Variants in ST6GAL1 observed in about 807,000 individuals in gnomAD.
ST6GAL1 encodes beta-galactoside alpha-2,6-sialyltransferase 1.
ST6GAL1 carries 20 observed loss-of-function variants against 38.0 expected under a neutral mutation model. The ratio of observed to expected loss-of-function variants is 0.53; its 90% CI spans 0.37 to 0.77. The LOEUF (loss-of-function observed/expected upper bound fraction) is 0.77. Among genes scored for constraint, ST6GAL1 ranks in the 30% least tolerant of loss-of-function variants. The probability of loss-of-function intolerance (pLI) is 0.00; values close to 1 mark genes in which losing one functional copy is unlikely to be tolerated. For synonymous variants in ST6GAL1, 196 were observed against 188.2 expected (o/e 1.04, Z -0.34); for missense variants, 432 against 496.4 (o/e 0.87, Z 1.23).
Position 186,992,756 on chromosome 3 carries a change from A to C in ST6GAL1, c.-183+28830A>C, listed in dbSNP as rs539986901. Among the ~76,000 whole-genome samples the C allele has an allele frequency of 4.6e-5, 7 of 152,272 alleles. No homozygotes were observed. In the South Asian group the frequency reaches 1.4e-3, roughly 32 times the overall value. ...GGTTGCAGTGAGCTGAGATCTCACC[A>C]CTGTACGCTAGCTTGGGCAACAGAG... is the stretch of plus-strand genomic sequence containing the variant. On this transcript the variant is annotated intron_variant, in intron 2 of 7. Transcript: ENST00000169298.
At chr3:187,037,263 T>C (rs1717962975) in intron 2 of ST6GAL1, among the ~76,000 whole-genome samples, 1 of 152,222 alleles carries the variant, frequency 6.6e-6, no homozygotes, top group Admixed American at 6.5e-5. Flanking sequence ...GTAAATTCTA[T>C]AAACTAGTTT....
At chr3:187,020,919 C>T (rs959060822) in intron 2 of ST6GAL1, among the ~76,000 whole-genome samples, 5 of 151,118 alleles carry the variant, frequency 3.3e-5, no homozygotes, top group African/African-American at 1.2e-4. Flanking sequence ...TGAGACATCT[C>T]AAAGTGGGGG....
At chr3:186,946,122 A>G (rs1047581345) in intron 1 of ST6GAL1, among the ~76,000 whole-genome samples, 3 of 152,110 alleles carry the variant, frequency 2.0e-5, no homozygotes, top group South Asian at 2.1e-4. Context: ...CCTAACCAAC[A>G]TGGTGAAACC....
At chr3:186,941,106 G>T (rs1714156189) in intron 1 of ST6GAL1, among the ~76,000 whole-genome samples, 1 of 152,106 alleles carries the variant, frequency 6.6e-6, no homozygotes, top group South Asian at 2.1e-4. Context: ...TGCCTGGTTT[G>T]GTGTCCTCAG....
At chr3:187,041,049 A>G (rs1346964275) in intron 3 of ST6GAL1, among the ~76,000 whole-genome samples, 1 of 152,058 alleles carries the variant, frequency 6.6e-6, no homozygotes, top group Admixed American at 6.5e-5. Flanking sequence ...TCACCTCCAC[A>G]TGGCCCCCAG....
Position 187,077,282 on chromosome 3 carries a change from C to T in ST6GAL1, c.*1479C>T, listed in dbSNP as rs1425446274. On this transcript the variant is annotated 3_prime_UTR_variant, in exon 8 of 8. Coordinates refer to ENST00000169298, the MANE Select transcript of ST6GAL1 (RefSeq NM_173216.2). ...AGATGGTTTTACTAAGTCCCCTCTC[C>T]CTGATAGGGAATCCTGCTGGACCAG... The T allele has an allele frequency of 1.9e-5, 5 of 268,226 alleles. No individual in the cohort carries two copies. Among genetic ancestry groups the T allele is most frequent in the Non-Finnish European group, 3.4e-5 (5 of 145,170 alleles). 16.6% of individuals were successfully genotyped at this position (268,226 alleles called of 1,614,324 possible).
intron 2 of ST6GAL1, among the ~76,000 whole-genome samples, chr3:186,977,956 G>C (rs930166807): frequency 3.9e-5 from 6 of 152,186 alleles, no homozygotes; most frequent in Non-Finnish European, 7.4e-5. Flanking sequence ...GCTCATGCCT[G>C]TAATCCCAGC....
intron 2 of ST6GAL1, among the ~76,000 whole-genome samples, chr3:186,989,716 C>T (rs1376035443): frequency 6.6e-6 from 1 of 152,172 alleles, no homozygotes; most frequent in South Asian, 2.1e-4. Flanking sequence ...GAGAACATAT[C>T]AATTTGAGTT....
intron 1 of ST6GAL1, among the ~76,000 whole-genome samples, chr3:186,941,436 T>G (rs945183639): frequency 6.6e-6 from 1 of 152,130 alleles, no homozygotes; most frequent in African/African-American, 2.4e-5. Flanking sequence ...TGACAGTGGC[T>G]TAGGACAACA....
intron 5 of ST6GAL1, among the ~76,000 whole-genome samples, chr3:187,071,685 G>A (rs6770178): frequency 0.23 from 33,965 of 150,558 alleles, 4,128 homozygotes; most frequent in Non-Finnish European, 0.29. Context: ...GCGTGAACCC[G>A]GGAGGCGGAG....
chr3:187,065,499 G>A (rs955163854), intron 5 of ST6GAL1, among the ~76,000 whole-genome samples: 1 of 152,214 alleles, frequency 6.6e-6, no homozygotes, highest in Non-Finnish European at 1.5e-5. Context: ...GTGTGGCTAT[G>A]AGAGTCAACA....
At chr3:187,050,560 G>GAGAGAGAC (rs371144529) in intron 4 of ST6GAL1, among the ~76,000 whole-genome samples, 620 of 149,650 alleles carry the variant, frequency 4.1e-3, no homozygotes, top group Non-Finnish European at 6.1e-3. Context: ...GAGAGAGAGA[G>GAGAGAGAC]GGAGGGAGGG....
intron 5 of ST6GAL1, among the ~76,000 whole-genome samples, chr3:187,057,706 G>A (rs374283499): frequency 2.6e-5 from 4 of 152,198 alleles, no homozygotes; most frequent in African/African-American, 4.8e-5. Flanking sequence ...GGTGTCAGTC[G>A]GCCCCTACTG....
At chr3:186,955,438 C>T (rs910551832) in intron 1 of ST6GAL1, among the ~76,000 whole-genome samples, 1 of 151,780 alleles carries the variant, frequency 6.6e-6, no homozygotes, top group Non-Finnish European at 1.5e-5. Flanking sequence ...TGGCCATTTT[C>T]ATGATATTGA....
chr3:187,047,001 A>G (rs1239001420), intron 4 of ST6GAL1, among the ~76,000 whole-genome samples: 10 of 152,186 alleles, frequency 6.6e-5, no homozygotes, highest in African/African-American at 1.7e-4. Context: ...GCTGGAGTGC[A>G]GTGGCATGAT....
chr3:187,033,129 G>T (rs1717809554), intron 2 of ST6GAL1, among the ~76,000 whole-genome samples: 1 of 152,174 alleles, frequency 6.6e-6, no homozygotes, highest in Non-Finnish European at 1.5e-5. Context: ...AATAAAGGAA[G>T]TTGGCTAGGC....
At chr3:186,956,228 C>T (rs1293512607) in intron 1 of ST6GAL1, among the ~76,000 whole-genome samples, 1 of 152,122 alleles carries the variant, frequency 6.6e-6, no homozygotes, top group Non-Finnish European at 1.5e-5. Flanking sequence ...GAAATGCATA[C>T]ACAAACAAGC....
intron 2 of ST6GAL1, among the ~76,000 whole-genome samples, chr3:186,989,604 G>T (rs1253794026): frequency 6.6e-6 from 1 of 152,186 alleles, no homozygotes; most frequent in African/African-American, 2.4e-5. Context: ...AGGGAACCTG[G>T]ATAACATTGT....
intron 5 of ST6GAL1, among the ~76,000 whole-genome samples, chr3:187,062,080 C>T (rs1490345077): frequency 1.3e-5 from 2 of 152,186 alleles, no homozygotes; most frequent in Admixed American, 6.5e-5. Flanking sequence ...ATGGACGTTT[C>T]TCCAAGATAT....
Sources: allele counts gnomAD v4.1 joint callset (sites outside exome capture counted in the v4.1 genomes callset), GRCh38; gene constraint gnomAD v4.1.1; transcripts MANE v1.5; gene names NCBI Gene and HGNC (gene_info 2026-07-23, HGNC 2026-07-21).